Variants in NUAK1 observed in about 807,000 individuals in gnomAD.
The protein encoded by NUAK1 is NUAK family kinase 1, also known as NUAK family SNF1-like kinase 1.
A neutral mutation model predicts 56.9 loss-of-function variants in NUAK1; 26 were observed. The ratio of observed to expected loss-of-function variants is 0.46; its 90% confidence interval spans 0.33 to 0.63. The LOEUF (loss-of-function observed/expected upper bound fraction) is 0.63, where lower values mean the gene tolerates loss of function less well. Among genes scored for constraint, NUAK1 ranks in the 30% least tolerant of loss-of-function variants. The probability of loss-of-function intolerance (pLI) is 0.02; values close to 1 mark genes in which losing one functional copy is unlikely to be tolerated. For synonymous variants in NUAK1, 337 were observed against 336.0 expected, an observed-to-expected ratio of 1.00 and a Z score of -0.03; for missense variants, 727 against 876.1, an observed-to-expected ratio of 0.83 and a Z score of 2.15.
intron 3 of NUAK1, 126 bp downstream of exon 3, chr12:106,086,608 C>T (rs1209113988): frequency 7.6e-6 from 7 of 920,080 alleles, no homozygotes; most frequent in African/African-American, 6.8e-5. Context: ...TAATTTTCTT[C>T]TTTCTAGTTC....
intron 4 of NUAK1, among the ~76,000 whole-genome samples, chr12:106,079,411 C>T (rs1178676578): frequency 6.6e-6 from 1 of 152,214 alleles, no homozygotes; most frequent in African/African-American, 2.4e-5. Context: ...AGACCCACTG[C>T]TTCCTGCTCA....
chr12:106,136,665 C>A (rs904567511), intron 1 of NUAK1, among the ~76,000 whole-genome samples: 1 of 152,178 alleles, frequency 6.6e-6, no homozygotes, highest in Non-Finnish European at 1.5e-5. Flanking sequence ...TTCAACAACC[C>A]CTCATAGCCT....
At chr12:106,073,888 C>T (rs2032434161) in intron 4 of NUAK1, among the ~76,000 whole-genome samples, 1 of 151,988 alleles carries the variant, frequency 6.6e-6, no homozygotes, top group African/African-American at 2.4e-5. Context: ...GCAAATGTTT[C>T]ATCTAGCCTT....
Position 106,138,928 on chromosome 12 carries a change from G to A in NUAK1, c.-275C>T, listed in dbSNP as rs1277713913. Reference sequence around the variant, plus strand: ...GGCGGCGGTGGCAGGGGAGGCGGTGGTGTTTGCAGGAGGGAGGGGAGAGGG... The same window carrying A: ...GGCGGCGGTGGCAGGGGAGGCGGTGATGTTTGCAGGAGGGAGGGGAGAGGG... On this transcript the variant is annotated 5_prime_UTR_variant, in exon 1 of 7. Coordinates refer to ENST00000261402, the MANE Select transcript of NUAK1 (RefSeq NM_014840.3). The surrounding 1 kb of genome is among the most constrained non-coding windows in gnomAD (Gnocchi z 5.0). 2 of 343,088 alleles carry A rather than the reference G, an allele frequency of 5.8e-6. No homozygotes were observed. The highest frequency in any genetic ancestry group is 5.0e-5 in the Admixed American group (1 of 20,166). 21.3% of individuals were successfully genotyped at this position (343,088 alleles called of 1,614,324 possible).
intron 2 of NUAK1, among the ~76,000 whole-genome samples, chr12:106,098,063 G>T (rs139421943): frequency 2.5e-3 from 388 of 152,296 alleles, no homozygotes; most frequent in Middle Eastern, 0.01. Flanking sequence ...GTACAATAAG[G>T]AATACAGGCT....
intron 4 of NUAK1, among the ~76,000 whole-genome samples, chr12:106,083,179 T>C (rs1313868190): frequency 6.6e-6 from 1 of 152,136 alleles, no homozygotes; most frequent in African/African-American, 2.4e-5. Context: ...CATCCCCATT[T>C]TAGTCAGCTT....
In NUAK1 at chr12:106,135,354, G is replaced by A. The variant is rs77726384; in HGVS notation, c.240+3060C>T. 5.1e-3 allele frequency among the ~76,000 whole-genome samples: 777 copies of A among 152,334 alleles called. 6 individuals carry two copies. Among genetic ancestry groups the A allele is most frequent in the African/African-American group, 0.018 (734 of 41,564 alleles). The stretch of plus-strand genomic sequence containing the variant: ...CAAGACTGCAGGAGAGTGCCTGGAC[G>A]ACACACAGGGTCGCACCAGCTGACT... On this transcript the variant is annotated intron_variant, in intron 1 of 6. Coordinates refer to ENST00000261402, the MANE Select transcript of NUAK1 (RefSeq NM_014840.3).
At position 106,070,819 on chromosome 12, in the gene NUAK1, G is replaced by T; in HGVS notation, c.787C>A (p.Arg263=). 3 of 1,614,166 alleles carry T rather than the reference G, an allele frequency of 1.9e-6. No homozygotes were observed. Among genetic ancestry groups the T allele is most frequent in the Non-Finnish European group, 2.5e-6 (3 of 1,180,044 alleles). ...FDGFDHKNLI[R]QISSGEYREP... is the part of the protein sequence containing the mutation. ...CGGTACTCTCCGCTGCTGATTTGCC[G>T]AATGAGGTTTTTGTGATCGAAACCA... Residue 263 remains arginine, a synonymous_variant, in exon 6 of 7, where the codon CGG becomes AGG. Transcript: ENST00000261402.
chr12:106,136,377 G>T (rs1441116610), intron 1 of NUAK1, among the ~76,000 whole-genome samples: 2 of 152,218 alleles, frequency 1.3e-5, no homozygotes, highest in African/African-American at 4.8e-5. Context: ...CCTCGTGGCC[G>T]CTTGACTAAA....
intron 1 of NUAK1, among the ~76,000 whole-genome samples, chr12:106,131,108 C>T (rs2033073367): frequency 6.6e-6 from 1 of 152,144 alleles, no homozygotes; most frequent in Admixed American, 6.6e-5. Context: ...AGGTTGGAAT[C>T]TTAGAGGCCT....
At position 106,067,008 on chromosome 12, in the gene NUAK1, C is replaced by T; in HGVS notation, c.1780G>A (p.Ala594Thr). Residue 594 changes from alanine (A) to threonine (T), a missense_variant, in exon 7 of 7, where the codon GCC (alanine) becomes ACC (threonine). Physicochemically the swap from Ala to Thr is moderately conservative, Grantham distance 58. Transcript: ENST00000261402. This position sits in a 1 kb window ranked among gnomAD's most constrained non-coding sequence, Gnocchi z 6.0. Reference sequence around the variant, plus strand: ...ACGCAGCTGCGGATGCGCTGGCGGGCAGGGCGATTCTCCTGCAAATCCAGC... The same window carrying T: ...ACGCAGCTGCGGATGCGCTGGCGGGTAGGGCGATTCTCCTGCAAATCCAGC... ...DLLDLQENRPARQRIRSCVSA... is the reference protein window; with the variant it reads ...DLLDLQENRPTRQRIRSCVSA... 6.2e-7 allele frequency: 1 copy of T among 1,614,222 alleles called. No individual in the cohort carries two copies. Among genetic ancestry groups the T allele is most frequent in the South Asian group, 1.1e-5 (1 of 91,084 alleles).
intron 2 of NUAK1, among the ~76,000 whole-genome samples, chr12:106,105,216 G>A (rs544006712): frequency 2.0e-5 from 3 of 152,038 alleles, no homozygotes; most frequent in Non-Finnish European, 4.4e-5. Context: ...GCCTCCCAAG[G>A]TGCCAGTATC....
intron 1 of NUAK1, among the ~76,000 whole-genome samples, chr12:106,125,541 G>A (rs536654100): frequency 3.3e-5 from 5 of 152,204 alleles, no homozygotes; most frequent in East Asian, 1.9e-4. Context: ...GTTCAAAGGC[G>A]AAAAAGCACG....
At chr12:106,131,927 C>A (rs2033082388) in intron 1 of NUAK1, among the ~76,000 whole-genome samples, 1 of 152,210 alleles carries the variant, frequency 6.6e-6, no homozygotes, top group Non-Finnish European at 1.5e-5. Context: ...GGGATCCTCT[C>A]ATTCCTGTGC....
At chr12:106,069,692 A>C (rs904037218) in intron 6 of NUAK1, among the ~76,000 whole-genome samples, 1 of 152,242 alleles carries the variant, frequency 6.6e-6, no homozygotes, top group Admixed American at 6.5e-5. Context: ...TTCCCCTAAG[A>C]GCAATGGTTC....
In NUAK1 at chr12:106,066,550, T is replaced by A; in HGVS notation, c.*252A>T. ...AATACCACCTCCCCTGGACAGCTGG[T>A]CCTCTAGGAGGTGCCATAAAGCAAA... On this transcript the variant is annotated 3_prime_UTR_variant, in exon 7 of 7. Transcript: ENST00000261402. 1.9e-6 allele frequency: 1 copy of A among 529,986 alleles called. No homozygotes were observed. The highest frequency in any genetic ancestry group is 2.4e-5 in the South Asian group (1 of 42,086). The allele number at this position is 529,986 out of a possible 1,614,324, so 32.8% of individuals were successfully genotyped here.
chr12:106,099,861 G>T (rs181776524), intron 2 of NUAK1, among the ~76,000 whole-genome samples: 94 of 151,544 alleles, frequency 6.2e-4, no homozygotes, highest in African/African-American at 2.1e-3. Context: ...CACAAACTTG[G>T]CTCATTGCAA....
intron 1 of NUAK1, among the ~76,000 whole-genome samples, chr12:106,134,588 A>G (rs1342599740): frequency 6.6e-6 from 1 of 152,238 alleles, no homozygotes; most frequent in Non-Finnish European, 1.5e-5. Context: ...ATAACCTGGT[A>G]CAGTGAGGAA....
chr12:106,132,058 T>C (rs1184838817), intron 1 of NUAK1, among the ~76,000 whole-genome samples: 1 of 152,238 alleles, frequency 6.6e-6, no homozygotes, highest in Non-Finnish European at 1.5e-5. Context: ...ATGAGACTTC[T>C]GCTGTCTGAC....
Sources: gnomAD v4.1 joint callset for allele counts (sites outside exome capture counted in the v4.1 genomes callset) on GRCh38, gnomAD v4.1.1 for gene constraint, Gnocchi (gnomAD v3.1) non-coding constraint, MANE v1.5 for transcripts, NCBI Gene and HGNC (gene_info 2026-07-23, HGNC 2026-07-21) for gene names.